The following SCUBE1 variants were observed in gnomAD, a reference collection of about 807,000 sequenced individuals.
The protein encoded by SCUBE1 is signal peptide, CUB domain and EGF like domain containing 1.
Under a neutral mutation model 124.4 loss-of-function variants are expected in SCUBE1, and 59 were observed. The observed-to-expected ratio is 0.47, with a 90% CI of 0.38 to 0.59. The LOEUF (loss-of-function observed/expected upper bound fraction) is 0.59, where lower values mean the gene tolerates loss of function less well. Ranked by LOEUF, SCUBE1 falls within the 20% of genes least tolerant of loss-of-function variation. The pLI, the probability that SCUBE1 is intolerant of heterozygous loss-of-function variation, is 0.00. For synonymous variants in SCUBE1, 545 were observed against 550.9 expected, an observed-to-expected ratio of 0.99 and a Z score of 0.15; for missense variants, 1,150 against 1,371.2, an observed-to-expected ratio of 0.84 and a Z score of 2.55.
intron 3 of SCUBE1, among the ~76,000 whole-genome samples, chr22:43,302,197 A>G (rs1453066118): frequency 6.6e-6 from 1 of 152,214 alleles, no homozygotes; most frequent in Non-Finnish European, 1.5e-5. Context: ...CCTCACAGTC[A>G]TTGCCAGCCT....
intron 3 of SCUBE1, among the ~76,000 whole-genome samples, chr22:43,306,341 T>G (rs1925968737): frequency 6.6e-6 from 1 of 152,164 alleles, no homozygotes; most frequent in South Asian, 2.1e-4. Context: ...ACCAAGCTCT[T>G]GGCACAGGGA....
chr22:43,214,046 C>CCGGGGGGGGGGGGGGGGGGGGGGGGGGG, intron 16 of SCUBE1, 44 bp downstream of exon 16: 11 of 422,702 alleles, frequency 2.6e-5, no homozygotes, highest in Non-Finnish European at 4.1e-5. Context: ...GAGGAGCCCC[C>CCGGGGGGGGGGGGGGGGGGGGGGGGGGG]GCCCACCCCC....
intron 13 of SCUBE1, 104 bp from the exon 14 acceptor site, chr22:43,220,691 G>A (rs1024279069): frequency 1.8e-5 from 25 of 1,419,184 alleles, no homozygotes; most frequent in Non-Finnish European, 2.1e-5. Context: ...TTCCTGGTCC[G>A]TGGTGCAGAC....
chr22:43,314,411 G>A (rs570904362), intron 3 of SCUBE1, among the ~76,000 whole-genome samples: 3 of 152,264 alleles, frequency 2.0e-5, no homozygotes, highest in South Asian at 4.1e-4. Flanking sequence ...AGATGTGAGC[G>A]AGAGTGCTGT....
chr22:43,236,377 C>T (rs1481219389), intron 7 of SCUBE1, among the ~76,000 whole-genome samples: 1 of 152,224 alleles, frequency 6.6e-6, no homozygotes, highest in Non-Finnish European at 1.5e-5. Context: ...CTAGTCTCTG[C>T]CTTCTCTATG....
At chr22:43,249,626 C>T (rs937084460) in intron 6 of SCUBE1, among the ~76,000 whole-genome samples, 2 of 152,222 alleles carry the variant, frequency 1.3e-5, no homozygotes, top group African/African-American at 4.8e-5. Flanking sequence ...CTTTCCCTTC[C>T]AGCTCCTTTG....
chr22:43,212,711 G>A (rs570042549), intron 16 of SCUBE1, 119 bp from the exon 17 acceptor site: 20 of 1,058,532 alleles, frequency 1.9e-5, no homozygotes, highest in African/African-American at 1.1e-4. Flanking sequence ...CTGGGCACCC[G>A]AGGCCTGGGG....
intron 5 of SCUBE1, among the ~76,000 whole-genome samples, chr22:43,261,103 T>C (rs1435822186): frequency 6.6e-6 from 1 of 152,232 alleles, no homozygotes; most frequent in African/African-American, 2.4e-5. Flanking sequence ...GCTGACGCCA[T>C]GCATTTTTGA....
intron 14 of SCUBE1, among the ~76,000 whole-genome samples, 184 bp downstream of exon 14, chr22:43,220,266 T>G (rs1256102223): frequency 6.6e-6 from 1 of 152,184 alleles, no homozygotes; most frequent in Non-Finnish European, 1.5e-5. Flanking sequence ...GCTGCAAGCG[T>G]TGACCCCTGC....
In SCUBE1 at chr22:43,211,520, C is replaced by CT. The variant is rs35852531; in HGVS notation, c.2222-438dup. On this transcript the variant is annotated intron_variant, in intron 17 of 21. Transcript: ENST00000360835. The surrounding 1 kb of genome is among the most constrained non-coding windows in gnomAD (Gnocchi z 4.5). The stretch of plus-strand genomic sequence containing the variant: ...GGCGGGGGGCTAGAGATGGGCAATT[C>CT]TTTTTTTTTTTTTTTGAGATGGAGC... Among the ~76,000 whole-genome samples the CT allele has an allele frequency of 5.5e-3, 756 of 136,962 alleles. 3 individuals are homozygous for CT. Among genetic ancestry groups the CT allele is most frequent in the African/African-American group, 0.015 (550 of 36,344 alleles). 89.9% of individuals were successfully genotyped at this position (136,962 alleles called of 152,430 possible). A position where few individuals can be genotyped will look rare whatever the true frequency, so the allele number is the denominator to read the frequency against.
chr22:43,257,376 C>T (rs1230124535), intron 6 of SCUBE1, among the ~76,000 whole-genome samples: 1 of 152,214 alleles, frequency 6.6e-6, no homozygotes, highest in African/African-American at 2.4e-5. Context: ...GGGTTGAACT[C>T]CGGCACCAAC....
chr22:43,221,063 C>A (rs1283501896), intron 13 of SCUBE1, 110 bp downstream of exon 13: 6 of 718,320 alleles, frequency 8.4e-6, no homozygotes, highest in Non-Finnish European at 1.4e-5. Flanking sequence ...GTGAGAGAGA[C>A]CTCCACCCTT....
At chr22:43,231,253 G>C (rs1455717754) in intron 8 of SCUBE1, among the ~76,000 whole-genome samples, 1 of 152,088 alleles carries the variant, frequency 6.6e-6, no homozygotes. Flanking sequence ...CCCTGACCCC[G>C]CTCTGCACTG....
chr22:43,325,771 T>C (rs1331128149), intron 2 of SCUBE1, among the ~76,000 whole-genome samples: 7 of 151,982 alleles, frequency 4.6e-5, no homozygotes, highest in Non-Finnish European at 8.8e-5. Flanking sequence ...CAGCATCTAA[T>C]AGAGCAGAGA....
chr22:43,216,522 G>A lies in SCUBE1; in HGVS notation c.1891+1733C>T, dbSNP rs889208960. 8.6e-5 allele frequency among the ~76,000 whole-genome samples: 13 copies of A among 151,816 alleles called. No individual in the cohort carries two copies. In the Middle Eastern group the frequency reaches 0.01, roughly 119 times the overall value. On this transcript the variant is annotated intron_variant, in intron 15 of 21. Coordinates refer to ENST00000360835, the MANE Select transcript of SCUBE1 (RefSeq NM_173050.5). ...ACAAAAATTAGCCGGACACGGTGGC[G>A]CGCACCTGTAGTCCTAGCTACTTGG... is the stretch of plus-strand genomic sequence containing the variant.
chr22:43,241,929 G>A (rs567106776), intron 6 of SCUBE1, among the ~76,000 whole-genome samples: 2 of 152,358 alleles, frequency 1.3e-5, no homozygotes, highest in African/African-American at 4.8e-5. Flanking sequence ...CCTTGGGCCC[G>A]CCCTCACCTC....
At chr22:43,263,582 C>G (rs540565283) in intron 4 of SCUBE1, among the ~76,000 whole-genome samples, 1 of 152,336 alleles carries the variant, frequency 6.6e-6, no homozygotes, top group Admixed American at 6.5e-5. Flanking sequence ...GACACACCGG[C>G]CTCTTGTTCC....
chr22:43,343,063 G>C (rs1219803656), intron 1 of SCUBE1, 111 bp downstream of exon 1: 1 of 400,024 alleles, frequency 2.5e-6, no homozygotes, highest in Admixed American at 5.8e-5. Flanking sequence ...CAGGGGGCGC[G>C]GGGCCGCGCG....
chr22:43,244,957 C>T (rs1455986889), intron 6 of SCUBE1, among the ~76,000 whole-genome samples: 5 of 152,262 alleles, frequency 3.3e-5, no homozygotes, highest in Non-Finnish European at 5.9e-5. Flanking sequence ...ACAGAAGCTG[C>T]GGTGAAAAGG....
Sources: gnomAD v4.1 joint callset for allele counts (sites outside exome capture counted in the v4.1 genomes callset) on GRCh38, gnomAD v4.1.1 for gene constraint, Gnocchi (gnomAD v3.1) non-coding constraint, MANE v1.5 for transcripts, NCBI Gene and HGNC (gene_info 2026-07-23, HGNC 2026-07-21) for gene names.